Variants in GALNT3 observed in about 807,000 individuals in gnomAD.
GALNT3 encodes the protein GalNAc transferase 3.
Under a neutral mutation model 69.8 loss-of-function variants are expected in GALNT3, and 51 were observed. That is an observed-to-expected ratio of 0.73 (90% CI 0.58 to 0.92). The LOEUF is 0.92. Among genes scored for constraint, GALNT3 ranks in the 40% least tolerant of loss-of-function variants. GALNT3 has a pLI of 0.00. For synonymous variants in GALNT3, 265 were observed against 248.5 expected (o/e 1.07, Z -0.63); for missense variants, 711 against 760.0 (o/e 0.94, Z 0.76).
At chr2:165,775,529 A>G (rs149855028) in intron 1 of GALNT3, among the ~76,000 whole-genome samples, 10 of 152,300 alleles carry the variant, frequency 6.6e-5, no homozygotes, top group South Asian at 2.1e-4. Flanking sequence ...AGATTCCAAC[A>G]TTGATGGGAT....
At chr2:165,767,008 G>T (rs1354584577) in intron 2 of GALNT3, among the ~76,000 whole-genome samples, 5 of 152,126 alleles carry the variant, frequency 3.3e-5, no homozygotes, top group Admixed American at 6.5e-5. Context: ...TGATACAGGT[G>T]CATGGGCGGA....
intron 1 of GALNT3, among the ~76,000 whole-genome samples, chr2:165,774,197 C>T (rs16851009): frequency 0.13 from 20,396 of 152,156 alleles, 1,666 homozygotes; most frequent in East Asian, 0.33. Context: ...AACCTGTGTT[C>T]ACCTCCTTTC....
At chr2:165,792,553 A>G (rs1683375449) in intron 1 of GALNT3, among the ~76,000 whole-genome samples, 1 of 152,226 alleles carries the variant, frequency 6.6e-6, no homozygotes, top group Admixed American at 6.5e-5. Flanking sequence ...AATCTTAAAA[A>G]GAAGAAGAAA....
At chr2:165,767,293 T>C (rs1294906666) in intron 2 of GALNT3, among the ~76,000 whole-genome samples, 3 of 152,140 alleles carry the variant, frequency 2.0e-5, no homozygotes, top group South Asian at 4.1e-4. Context: ...AAACCTATGA[T>C]TTGTTATAAG....
chr2:165,775,097 G>T (rs1574011605), intron 1 of GALNT3, among the ~76,000 whole-genome samples: 1 of 151,794 alleles, frequency 6.6e-6, no homozygotes, highest in African/African-American at 2.4e-5. Context: ...GAGTCAAAGA[G>T]ATTAAGTGGC....
chr2:165,767,942 C>T (rs1261867473), intron 2 of GALNT3, among the ~76,000 whole-genome samples: 5 of 139,816 alleles, frequency 3.6e-5, no homozygotes, highest in Non-Finnish European at 6.0e-5. Context: ...GGTGCAATCT[C>T]GGCTCACTGC....
chr2:165,791,372 T>A (rs999690231), intron 1 of GALNT3, among the ~76,000 whole-genome samples: 1 of 152,094 alleles, frequency 6.6e-6, no homozygotes, highest in African/African-American at 2.4e-5. Flanking sequence ...TATTTTCACA[T>A]TGAGGGCTCC....
chr2:165,762,836 C>T (rs1220894432), intron 3 of GALNT3, among the ~76,000 whole-genome samples: 1 of 152,214 alleles, frequency 6.6e-6, no homozygotes, highest in African/African-American at 2.4e-5. Flanking sequence ...TGCTCTGTCG[C>T]CCAGGGTGGA....
At chr2:165,784,872 A>G (rs1321716860) in intron 1 of GALNT3, among the ~76,000 whole-genome samples, 1 of 152,224 alleles carries the variant, frequency 6.6e-6, no homozygotes, top group African/African-American at 2.4e-5. Context: ...TGAAAAAACA[A>G]AGGTCATGTT....
intron 8 of GALNT3, 51 bp downstream of exon 8, chr2:165,754,881 G>T (rs963005105): frequency 6.3e-7 from 1 of 1,590,352 alleles, no homozygotes; most frequent in Non-Finnish European, 8.6e-7. Flanking sequence ...ACCACATAAA[G>T]GTTGGTGGCA....
chr2:165,776,276 A>C (rs1388186332), intron 1 of GALNT3, among the ~76,000 whole-genome samples: 1 of 152,172 alleles, frequency 6.6e-6, no homozygotes, highest in African/African-American at 2.4e-5. Flanking sequence ...TCGTGAAACA[A>C]AACAAATCTC....
intron 1 of GALNT3, among the ~76,000 whole-genome samples, chr2:165,774,189 C>T (rs1688805431): frequency 6.6e-6 from 1 of 152,164 alleles, no homozygotes; most frequent in East Asian, 1.9e-4. Flanking sequence ...TATTCATCAA[C>T]CTGTGTTCAC....
At chr2:165,780,114 C>T (rs946333589) in intron 1 of GALNT3, among the ~76,000 whole-genome samples, 1 of 152,196 alleles carries the variant, frequency 6.6e-6, no homozygotes, top group Non-Finnish European at 1.5e-5. Context: ...AAAGGGGAAG[C>T]CATGTTGCTG....
chr2:165,765,481 T>C (rs1350987118), intron 2 of GALNT3, among the ~76,000 whole-genome samples: 1 of 148,696 alleles, frequency 6.7e-6, no homozygotes, highest in Non-Finnish European at 1.5e-5. Flanking sequence ...ACTTTAAAAA[T>C]TGTACCACTT....
intron 2 of GALNT3, among the ~76,000 whole-genome samples, chr2:165,768,825 G>T (rs568267742): frequency 4.2e-4 from 55 of 130,184 alleles, no homozygotes; most frequent in Non-Finnish European, 6.4e-4. Context: ...ATGGAGTTTC[G>T]TTCTTGTCGC....
At position 165,748,898 on chromosome 2, in the gene GALNT3, T is replaced by A; in HGVS notation, c.1785A>T (p.Gln595His). ...GEQIWEIQKD[Q>H]LLYNPFLKMC... ...TTTTTAAGAATGGATTGTATAGAAG[T>A]TGATCCTAGAATAAAAGGAAACAAC... is the stretch of plus-strand genomic sequence containing the variant. The change falls in exon 11 of 11, where the codon CAA (glutamine) becomes CAT (histidine). Residue 595 changes from glutamine to histidine, a missense_variant. Transcript: ENST00000392701. The A allele has an allele frequency of 6.2e-7, 1 of 1,609,504 alleles. No homozygotes were observed. Among genetic ancestry groups the A allele is most frequent in the East Asian group, 2.2e-5 (1 of 44,762 alleles).
Position 165,785,281 on chromosome 2 carries a change from T to C in GALNT3, c.-109+8734A>G, listed in dbSNP as rs180703238. ...AAGTAAAAAACAAGGCCAATTTATA[T>C]GCTGATATGAAATGATCCCAATATA... On this transcript the variant is annotated intron_variant, in intron 1 of 10. Coordinates refer to ENST00000392701, the MANE Select transcript of GALNT3 (RefSeq NM_004482.4). 5.8e-3 allele frequency among the ~76,000 whole-genome samples: 883 copies of C among 152,256 alleles called. 6 individuals carry two copies. The highest frequency in any genetic ancestry group is 0.021 in the African/African-American group (852 of 41,536).
In GALNT3 at chr2:165,748,808, T is replaced by C; in HGVS notation, c.1875A>G (p.Gln625=). The C allele has an allele frequency of 5.0e-6, 8 of 1,611,792 alleles. No homozygotes were observed. The highest frequency in any genetic ancestry group is 6.8e-6 in the Non-Finnish European group (8 of 1,178,648). The change falls in exon 11 of 11, where the codon CAA becomes CAG. Residue 625 remains glutamine, a synonymous_variant. Transcript: ENST00000392701. ...LVSCNPSDPL[Q]KWILSQND is the part of the protein sequence containing the mutation. ...AATCATTTTGGCTAAGTATCCATTT[T>C]TGGAGTGGATCTGATGGGTTGCATG...
rs1364435590 is a variant in GALNT3 at position 165,759,434 on chromosome 2, G to A, written c.975C>T (p.Asn325=). The change falls in exon 5 of 11, where the codon AAC becomes AAT. Residue 325 remains asparagine (N), a synonymous_variant. Coordinates refer to ENST00000392701, the MANE Select transcript of GALNT3 (RefSeq NM_004482.4). The part of the protein sequence containing the change: ...EFNKPSPYGS[N]HNRGNFDWSL... ...TCCAGTCAAAATTTCCACGGTTATG[G>A]TTACTTCCATAAGGAGAAGGTTTGT... is the stretch of plus-strand genomic sequence containing the variant. 3 of 1,614,006 alleles carry A rather than the reference G, an allele frequency of 1.9e-6. No homozygotes were observed. Among genetic ancestry groups the A allele is most frequent in the Admixed American group, 3.3e-5 (2 of 59,994 alleles).
Sources: gnomAD v4.1 joint callset for allele counts (sites outside exome capture counted in the v4.1 genomes callset) on GRCh38, gnomAD v4.1.1 for gene constraint, MANE v1.5 for transcripts, NCBI Gene and HGNC (gene_info 2026-07-23, HGNC 2026-07-21) for gene names.